Variants in SUCLG2 observed in about 807,000 individuals in gnomAD.
The protein encoded by SUCLG2 is succinate--CoA ligase [GDP-forming] subunit beta, mitochondrial.
A neutral mutation model predicts 47.9 loss-of-function variants in SUCLG2; 42 were observed. That is an observed-to-expected ratio of 0.88 (90% CI 0.69 to 1.14). SUCLG2 has a LOEUF of 1.14. Among genes scored for constraint, SUCLG2 ranks in the 50% most tolerant of loss-of-function variants. SUCLG2 has a pLI of 0.00. For missense variants in SUCLG2, 571 were observed against 525.9 expected (o/e 1.09, Z -0.84); for synonymous variants, 195 against 197.3 (o/e 0.99, Z 0.10).
At chr3:67,642,090 T>TA (rs1701111456) in intron 1 of SUCLG2, among the ~76,000 whole-genome samples, 1 of 152,182 alleles carries the variant, frequency 6.6e-6, no homozygotes, top group Non-Finnish European at 1.5e-5. Flanking sequence ...CCTTTAAAGA[T>TA]AGAGTCTTTA....
intron 1 of SUCLG2, among the ~76,000 whole-genome samples, chr3:67,613,689 A>G (rs1328236325): frequency 6.6e-6 from 1 of 152,200 alleles, no homozygotes; most frequent in African/African-American, 2.4e-5. Context: ...TTACTATTGC[A>G]CAACCTTTTT....
At chr3:67,426,105 C>T (rs1306652221) in intron 9 of SUCLG2, among the ~76,000 whole-genome samples, 2 of 151,982 alleles carry the variant, frequency 1.3e-5, no homozygotes, top group East Asian at 1.9e-4. Context: ...GTCTCTATTC[C>T]AGGAGGTTAG....
At chr3:67,540,861 G>A (rs573123623) in intron 2 of SUCLG2, among the ~76,000 whole-genome samples, 27 of 152,348 alleles carry the variant, frequency 1.8e-4, no homozygotes, top group Admixed American at 2.6e-4. Context: ...ACACACAGCA[G>A]TCTTTGCTGT....
intron 1 of SUCLG2, among the ~76,000 whole-genome samples, chr3:67,624,083 C>T (rs1700781150): frequency 6.6e-6 from 1 of 152,248 alleles, no homozygotes; most frequent in Non-Finnish European, 1.5e-5. Context: ...TCAACCCACT[C>T]CTGCTCCTTC....
At chr3:67,423,815 C>T (rs1703233685) in intron 9 of SUCLG2, among the ~76,000 whole-genome samples, 1 of 152,176 alleles carries the variant, frequency 6.6e-6, no homozygotes, top group Non-Finnish European at 1.5e-5. Flanking sequence ...GCTCCTAAAA[C>T]ACCATTATTA....
chr3:67,406,172 C>T (rs2106826058), intron 9 of SUCLG2, among the ~76,000 whole-genome samples: 1 of 152,288 alleles, frequency 6.6e-6, no homozygotes, highest in Admixed American at 6.5e-5. Context: ...TGTTTGCTGT[C>T]AGTCTAAAAA....
intron 1 of SUCLG2, among the ~76,000 whole-genome samples, chr3:67,646,091 CAGGGGAGGGG>C (rs1553676377): frequency 1.3e-4 from 4 of 30,674 alleles, no homozygotes; most frequent in Admixed American, 4.6e-4. Flanking sequence ...GAGGGGAGGG[CAGGGGAGGGG>C]AGGGGAGGAG....
intron 10 of SUCLG2, among the ~76,000 whole-genome samples, chr3:67,394,272 G>A (rs963932029): frequency 1.3e-5 from 2 of 151,876 alleles, no homozygotes; most frequent in African/African-American, 4.8e-5. Flanking sequence ...TAAAAACTTT[G>A]AAAAAAATTT....
At chr3:67,606,001 C>T (rs571346246) in intron 2 of SUCLG2, among the ~76,000 whole-genome samples, 1 of 151,846 alleles carries the variant, frequency 6.6e-6, no homozygotes. Flanking sequence ...TCACTTGAGG[C>T]CAAACTGGGC....
intron 2 of SUCLG2, among the ~76,000 whole-genome samples, chr3:67,567,214 A>G (rs899786596): frequency 2.0e-5 from 3 of 152,118 alleles, no homozygotes; most frequent in African/African-American, 7.2e-5. Context: ...AGGAGGAAAA[A>G]TATCAATGGA....
intron 7 of SUCLG2, among the ~76,000 whole-genome samples, chr3:67,507,899 A>T (rs954603412): frequency 6.6e-6 from 1 of 152,266 alleles, no homozygotes; most frequent in Non-Finnish European, 1.5e-5. Flanking sequence ...TCCACCTGCC[A>T]TTCCACTGTT....
At chr3:67,418,485 T>C (rs1291135551) in intron 9 of SUCLG2, among the ~76,000 whole-genome samples, 1 of 152,182 alleles carries the variant, frequency 6.6e-6, no homozygotes, top group Non-Finnish European at 1.5e-5. Context: ...CTTTAACCAT[T>C]ACACTAAGCT....
chr3:67,405,854 T>G (rs1341605439), intron 9 of SUCLG2, among the ~76,000 whole-genome samples: 1 of 152,176 alleles, frequency 6.6e-6, no homozygotes, highest in Non-Finnish European at 1.5e-5. Context: ...TTGTACTCAG[T>G]ATTCTAATTA....
rs900521846 is a variant in SUCLG2, at chr3:67,592,906, T to A, written c.226+16549A>T. On this transcript the variant is annotated intron_variant, in intron 2 of 10. Coordinates refer to ENST00000307227, the MANE Select transcript of SUCLG2 (RefSeq NM_003848.4). ...TCCTGATGGGTTAGGCCTTGACAAATCAAAATGAAGAAAATACACTCATTT... is the reference window on the plus strand; with the variant it reads ...TCCTGATGGGTTAGGCCTTGACAAAACAAAATGAAGAAAATACACTCATTT... Among the ~76,000 whole-genome samples the A allele has an allele frequency of 3.3e-5, 5 of 152,118 alleles. 1 individual carries two copies. The East Asian group carries it at 5.8e-4, about 18-fold the overall frequency.
intron 9 of SUCLG2, among the ~76,000 whole-genome samples, chr3:67,458,574 C>G (rs1333431101): frequency 6.6e-6 from 1 of 152,214 alleles, no homozygotes; most frequent in Non-Finnish European, 1.5e-5. Flanking sequence ...CTTTTCAGCT[C>G]TGAAATTCCA....
intron 2 of SUCLG2, among the ~76,000 whole-genome samples, chr3:67,559,317 T>C (rs1298205252): frequency 1.3e-5 from 2 of 152,130 alleles, no homozygotes; most frequent in Admixed American, 1.3e-4. Flanking sequence ...ACTGGGTAAT[T>C]TATAAAGGAA....
rs143981180 is a variant in SUCLG2 at position 67,422,315 on chromosome 3, T to C, written c.1063-21464A>G. On this transcript the variant is annotated intron_variant, in intron 9 of 10. Coordinates refer to ENST00000307227, the MANE Select transcript of SUCLG2 (RefSeq NM_003848.4). ...GGTGAAACCCTGTCTCTACTAAAAA[T>C]ACAAAAAAAATTAGCTGGGCATGGT... 4.3e-3 allele frequency among the ~76,000 whole-genome samples: 647 copies of C among 149,580 alleles called. 9 individuals are homozygous for C. Among genetic ancestry groups the C allele is most frequent in the African/African-American group, 0.015 (619 of 40,790 alleles).
At position 67,411,366 on chromosome 3, in the gene SUCLG2, G is replaced by A. The variant is rs899742502; in HGVS notation, c.1063-10515C>T. ...GTAAATAACAAATCTAATGTAAAAC[G>A]ATGGTGGAATATAATGATCCTGTGA... On this transcript the variant is annotated intron_variant, in intron 9 of 10. Transcript: ENST00000307227. 5.3e-5 allele frequency among the ~76,000 whole-genome samples: 8 copies of A among 152,108 alleles called. 1 individual carries two copies. In the South Asian group the frequency reaches 8.3e-4, roughly 16 times the overall value.
At chr3:67,431,309 C>A (rs1190693133) in intron 9 of SUCLG2, among the ~76,000 whole-genome samples, 2 of 152,132 alleles carry the variant, frequency 1.3e-5, no homozygotes, top group Non-Finnish European at 2.9e-5. Context: ...ATATGCAAAT[C>A]AATAAATGTA....
Sources: gnomAD v4.1 joint callset for allele counts (sites outside exome capture counted in the v4.1 genomes callset) on GRCh38, gnomAD v4.1.1 for gene constraint, MANE v1.5 for transcripts, NCBI Gene and HGNC (gene_info 2026-07-23, HGNC 2026-07-21) for gene names.